Variants in KRABD3 observed in about 807,000 individuals in gnomAD.
KRABD3 encodes the protein KRAB domain containing 3, also known as KRAB domain-containing protein 3.
the KRABD3 span, chr7:149,725,275 T>C: frequency 2.5e-5 from 38 of 1,521,316 alleles, no homozygotes; most frequent in East Asian, 9.3e-4. Flanking sequence ...AAGGCTGGAA[T>C]GTGTGGGAGA....
the KRABD3 span, chr7:149,729,531 A>G: frequency 1.0e-6 from 1 of 985,466 alleles, no homozygotes; most frequent in Non-Finnish European, 1.2e-6. Context: ...TTCGCTAAAC[A>G]AGAAGATAAA....
At chr7:149,721,600 G>A in the KRABD3 span, 1 of 1,536,460 alleles carries the variant, frequency 6.5e-7, no homozygotes, top group Non-Finnish European at 8.9e-7. Context: ...TGGCGTCAGA[G>A]GACCTGGACC....
the KRABD3 span, chr7:149,728,663 G>A: frequency 6.2e-7 from 1 of 1,613,492 alleles, no homozygotes; most frequent in East Asian, 2.2e-5. Context: ...GAACTGGACA[G>A]CAGACAAGGA....
At chr7:149,734,375 G>A in the KRABD3 span, 4 of 300,386 alleles carry the variant, frequency 1.3e-5, no homozygotes, top group African/African-American at 8.7e-5. Flanking sequence ...ATATGCAGGG[G>A]GTGCCCCACA....
the KRABD3 span, chr7:149,726,120 C>A: frequency 6.8e-7 from 1 of 1,481,106 alleles, no homozygotes; most frequent in Non-Finnish European, 9.2e-7. Flanking sequence ...GGCCCCTTGC[C>A]CAGTCCCTCT....
At chr7:149,719,281 C>T in the KRABD3 span, 1 of 347,892 alleles carries the variant, frequency 2.9e-6, no homozygotes, top group African/African-American at 2.1e-5. This position sits in a 1 kb window ranked among gnomAD's most constrained non-coding sequence, Gnocchi z 5.6. Flanking sequence ...GGAGTATGAC[C>T]TCATCTTAAG....
chr7:149,726,384 G>T, the KRABD3 span, among the ~76,000 whole-genome samples: 1 of 151,966 alleles, frequency 6.6e-6, no homozygotes, highest in African/African-American at 2.4e-5. Context: ...ATCAGTTGAG[G>T]CCAGGAGTTT....
chr7:149,732,197 T>C, the KRABD3 span, among the ~76,000 whole-genome samples: 4 of 152,164 alleles, frequency 2.6e-5, no homozygotes, highest in African/African-American at 4.8e-5. The surrounding 1 kb of genome is among the most constrained non-coding windows in gnomAD (Gnocchi z 4.0). Context: ...GAACTTTGAG[T>C]GTGGCCTGCG....
the KRABD3 span, chr7:149,722,009 A>G: frequency 3.5e-5 from 13 of 372,976 alleles, no homozygotes; most frequent in Non-Finnish European, 5.6e-5. Flanking sequence ...CTTCAAATTT[A>G]TATGGAATAA....
the KRABD3 span, among the ~76,000 whole-genome samples, chr7:149,718,458 A>G: frequency 6.9e-6 from 1 of 145,870 alleles, no homozygotes; most frequent in African/African-American, 2.5e-5. Flanking sequence ...ATTCAAGCCT[A>G]TTGATGCTGG....
chr7:149,727,373 G>T, the KRABD3 span, among the ~76,000 whole-genome samples: 1 of 152,218 alleles, frequency 6.6e-6, no homozygotes, highest in African/African-American at 2.4e-5. Flanking sequence ...TGGGTGTGGG[G>T]CTTTTCCCCT....
chr7:149,730,224 T>C, the KRABD3 span: 2 of 1,570,146 alleles, frequency 1.3e-6, no homozygotes, highest in South Asian at 1.2e-5. Context: ...GCCCTTGCGC[T>C]TCGCCTGCGT....
chr7:149,720,148 T>G, the KRABD3 span: 2 of 1,550,828 alleles, frequency 1.3e-6, no homozygotes, highest in East Asian at 2.4e-5. Context: ...TGTCAGACTT[T>G]GGGTGTCTCC....
At chr7:149,726,576 T>C in the KRABD3 span, among the ~76,000 whole-genome samples, 1 of 152,032 alleles carries the variant, frequency 6.6e-6, no homozygotes, top group Non-Finnish European at 1.5e-5. Flanking sequence ...TAGCTGGGGT[T>C]ATAGGTGTCC....
chr7:149,719,281 C>G, the KRABD3 span: 1 of 347,892 alleles, frequency 2.9e-6, no homozygotes, highest in South Asian at 5.5e-5. The surrounding 1 kb of genome is among the most constrained non-coding windows in gnomAD (Gnocchi z 5.6). Flanking sequence ...GGAGTATGAC[C>G]TCATCTTAAG....
chr7:149,721,100 C>A, the KRABD3 span: 1 of 1,389,448 alleles, frequency 7.2e-7, no homozygotes, highest in Non-Finnish European at 9.7e-7. Flanking sequence ...GGCCGGGAGG[C>A]AGAGTCACCT....
At chr7:149,721,970 T>G in the KRABD3 span, 135 of 369,392 alleles carry the variant, frequency 3.7e-4, no homozygotes, top group African/African-American at 2.7e-3. Context: ...TTCTCACAAA[T>G]TTTGCATGTC....
chr7:149,721,012 T>C, the KRABD3 span: 2 of 1,611,758 alleles, frequency 1.2e-6, no homozygotes, highest in Admixed American at 1.7e-5. Flanking sequence ...AGTGGGGCAG[T>C]GCACGCAGCC....
chr7:149,723,363 C>T, the KRABD3 span, among the ~76,000 whole-genome samples: 39 of 152,334 alleles, frequency 2.6e-4, 1 homozygote, highest in African/African-American at 9.1e-4. Flanking sequence ...AGGCTGTTCC[C>T]ACTCACAGGG....
Sources: allele counts gnomAD v4.1 joint callset (sites outside exome capture counted in the v4.1 genomes callset), GRCh38; gene constraint gnomAD v4.1.1; non-coding constraint Gnocchi (gnomAD v3.1); transcripts MANE v1.5; gene names NCBI Gene and HGNC (gene_info 2026-07-23, HGNC 2026-07-21).